ALK: variants seen among roughly 807,000 people sequenced by gnomAD.
ALK encodes the protein ALK tyrosine kinase receptor.
ALK carries 74 observed loss-of-function variants against 163.1 expected under a neutral mutation model. The ratio of observed to expected loss-of-function variants is 0.45; its 90% CI spans 0.38 to 0.55. The LOEUF (loss-of-function observed/expected upper bound fraction) is 0.55. Ranked by LOEUF, ALK falls within the 20% of genes least tolerant of loss-of-function variation. The pLI, the probability that ALK is intolerant of heterozygous loss-of-function variation, is 0.00. For missense variants in ALK, 2,063 were observed against 2,105.3 expected, an observed-to-expected ratio of 0.98 and a Z score of 0.39; for synonymous variants, 960 against 843.2, an observed-to-expected ratio of 1.14 and a Z score of -2.40.
intron 3 of ALK, among the ~76,000 whole-genome samples, chr2:29,636,225 C>G (rs986161013): frequency 5.9e-5 from 9 of 151,834 alleles, no homozygotes; most frequent in Non-Finnish European, 1.3e-4. Context: ...TACAAATATG[C>G]CCATATTCTT....
In ALK at chr2:29,867,082, A is replaced by G. The variant is rs985303526; in HGVS notation, c.667+52911T>C. ...TGGGTGGAAGGATTAATATATTTAC[A>G]TAAAGAAAGCCTCCAGCCCCTCCAG... On this transcript the variant is annotated intron_variant, in intron 1 of 28. Coordinates refer to ENST00000389048, the MANE Select transcript of ALK (RefSeq NM_004304.5). 6.6e-5 allele frequency among the ~76,000 whole-genome samples: 10 copies of G among 152,336 alleles called. No individual in the cohort carries two copies. The East Asian group carries it at 1.7e-3, about 26-fold the overall frequency.
intron 6 of ALK, among the ~76,000 whole-genome samples, chr2:29,325,745 T>G (rs1316260360): frequency 6.6e-6 from 1 of 152,232 alleles, no homozygotes; most frequent in Admixed American, 6.5e-5. Context: ...GAGCTTCAGC[T>G]TCCTTGTCTC....
chr2:29,210,339 C>T (rs4666179), intron 24 of ALK, among the ~76,000 whole-genome samples: 143,127 of 152,284 alleles, frequency 0.94, 67,841 homozygotes, highest in Non-Finnish European at 1. Context: ...AAACCACGGG[C>T]TGGTTTCTGC....
At chr2:29,393,527 C>G (rs930286174) in intron 4 of ALK, among the ~76,000 whole-genome samples, 2 of 152,166 alleles carry the variant, frequency 1.3e-5, no homozygotes, top group African/African-American at 4.8e-5. Context: ...GCTAGGTTTC[C>G]CCCTCAGTCC....
intron 26 of ALK, among the ~76,000 whole-genome samples, chr2:29,198,628 T>G (rs1046111301): frequency 6.6e-6 from 1 of 152,228 alleles, no homozygotes; most frequent in Non-Finnish European, 1.5e-5. Flanking sequence ...AATGTGTTAC[T>G]CTGTTCATCT....
At chr2:29,253,369 C>T (rs540758006) in intron 11 of ALK, among the ~76,000 whole-genome samples, 2 of 152,226 alleles carry the variant, frequency 1.3e-5, no homozygotes, top group South Asian at 4.2e-4. Context: ...GCAGCTTCAT[C>T]ATTTATTGAT....
intron 1 of ALK, among the ~76,000 whole-genome samples, chr2:29,816,520 C>T (rs1041924618): frequency 1.3e-5 from 2 of 152,028 alleles, no homozygotes; most frequent in Admixed American, 6.5e-5. Flanking sequence ...TCAAGAAAGG[C>T]GATTCTAAAA....
chr2:29,396,159 A>G (rs967520530), intron 4 of ALK, among the ~76,000 whole-genome samples: 35 of 152,144 alleles, frequency 2.3e-4, no homozygotes, highest in Non-Finnish European at 1.2e-4. Context: ...TTGGTACAAA[A>G]AAGGCTCACA....
intron 6 of ALK, among the ~76,000 whole-genome samples, chr2:29,326,534 G>T (rs537569502): frequency 6.6e-6 from 1 of 152,198 alleles, no homozygotes; most frequent in Non-Finnish European, 1.5e-5. Context: ...CCTGAACAGG[G>T]CACTGTGGGC....
intron 12 of ALK, among the ~76,000 whole-genome samples, chr2:29,243,632 C>T (rs1664580381): frequency 6.6e-6 from 1 of 152,196 alleles, no homozygotes; most frequent in Non-Finnish European, 1.5e-5. Context: ...TCACCCAGGG[C>T]CCACCTCTGT....
At chr2:29,863,351 A>G (rs1161604819) in intron 1 of ALK, among the ~76,000 whole-genome samples, 2 of 152,216 alleles carry the variant, frequency 1.3e-5, no homozygotes, top group East Asian at 1.9e-4. Context: ...GGATTGAGAG[A>G]AAATACTTGC....
intron 4 of ALK, among the ~76,000 whole-genome samples, chr2:29,491,633 T>A (rs1377974217): frequency 1.3e-5 from 2 of 152,194 alleles, no homozygotes; most frequent in African/African-American, 2.4e-5. Flanking sequence ...GAGAGGAGTG[T>A]CTCAGCAAGG....
chr2:29,560,597 G>C (rs11677939), intron 3 of ALK, among the ~76,000 whole-genome samples: 17,921 of 150,174 alleles, frequency 0.12, 1,396 homozygotes, highest in Non-Finnish European at 0.18. Flanking sequence ...TTTTTGGCAG[G>C]ATCTTGCTCT....
intron 1 of ALK, among the ~76,000 whole-genome samples, chr2:29,816,772 G>A (rs895218615): frequency 6.6e-6 from 1 of 152,106 alleles, no homozygotes; most frequent in African/African-American, 2.4e-5. Context: ...AAAATTAGGG[G>A]GTTGGATTTA....
intron 4 of ALK, among the ~76,000 whole-genome samples, chr2:29,403,921 AT>A (rs1019836598): frequency 6.6e-6 from 1 of 151,836 alleles, no homozygotes; most frequent in Non-Finnish European, 1.5e-5. Context: ...CAAAAAAAAA[AT>A]TTTTTTATTG....
intron 3 of ALK, among the ~76,000 whole-genome samples, chr2:29,641,044 A>T (rs184123586): frequency 6.6e-6 from 1 of 152,134 alleles, no homozygotes; most frequent in African/African-American, 2.4e-5. Context: ...TGGCGGGGGC[A>T]GTGATGGTGA....
chr2:29,800,061 C>A (rs946097181), intron 1 of ALK, among the ~76,000 whole-genome samples: 2 of 152,160 alleles, frequency 1.3e-5, no homozygotes, highest in Admixed American at 6.6e-5. Flanking sequence ...CAGTGTGGTG[C>A]GTGCCGTGCT....
Position 29,655,606 on chromosome 2 carries a change from C to T in ALK, c.952+39244G>A, listed in dbSNP as rs577852279. 2.4e-4 allele frequency among the ~76,000 whole-genome samples: 36 copies of T among 152,236 alleles called. No individual in the cohort carries two copies. In the East Asian group the frequency reaches 5.8e-3, roughly 25 times the overall value. On this transcript the variant is annotated intron_variant, in intron 3 of 28. Transcript: ENST00000389048. ...TAACAACACAGGGCAAGATGACAGT[C>T]CTCTGGGGCTTAGGCCCATGATCTC...
intron 1 of ALK, among the ~76,000 whole-genome samples, chr2:29,743,515 G>A (rs1436478741): frequency 2.0e-5 from 3 of 152,186 alleles, no homozygotes; most frequent in African/African-American, 4.8e-5. Context: ...AAGAATCCAT[G>A]GAACAGCCCG....
Sources: allele counts gnomAD v4.1 joint callset (sites outside exome capture counted in the v4.1 genomes callset), GRCh38; gene constraint gnomAD v4.1.1; transcripts MANE v1.5; gene names NCBI Gene and HGNC (gene_info 2026-07-23, HGNC 2026-07-21).